The following GNB2 variants were observed in gnomAD, a reference collection of about 807,000 sequenced individuals.
GNB2 encodes guanine nucleotide-binding protein G(I)/G(S)/G(T) subunit beta-2.
GNB2 carries 7 observed loss-of-function variants against 40.7 expected under a neutral mutation model. That is an observed-to-expected ratio of 0.17 (90% CI 0.10 to 0.32). The LOEUF is 0.32. Ranked by LOEUF, GNB2 falls within the 10% of genes least tolerant of loss-of-function variation. The probability of loss-of-function intolerance (pLI) is 1.00; values close to 1 mark genes in which losing one functional copy is unlikely to be tolerated. For synonymous variants in GNB2, 254 were observed against 191.2 expected, an observed-to-expected ratio of 1.33 and a Z score of -2.71; for missense variants, 286 against 473.0, an observed-to-expected ratio of 0.60 and a Z score of 3.67.
At chr7:100,674,001 C>G (rs1804298264) in intron 1 of GNB2, 78 bp downstream of exon 1, 1 of 155,132 alleles carries the variant, frequency 6.4e-6, no homozygotes, top group Non-Finnish European at 1.4e-5. Flanking sequence ...CCTTCGGTCT[C>G]CCGGGGCTGG....
intron 1 of GNB2, chr7:100,675,255 G>A (rs1395933846): frequency 6.6e-6 from 1 of 151,852 alleles, no homozygotes. Context: ...CGCGCCTCGG[G>A]GCCGGGGACC....
rs376361254 is a variant in GNB2, at chr7:100,678,605, G to C, written c.907G>C (p.Asp303His). ...CAACATCTGGGATGCCATGAAGGGC[G>C]ACCGTGCAGGTGACAGCTGGGGCCC... ...NCNIWDAMKG[D>H]RAGVLAGHDN... Residue 303 changes from aspartate to histidine, a missense_variant, in exon 9 of 10, where the codon GAC (aspartate) becomes CAC (histidine). Coordinates refer to ENST00000303210, the MANE Select transcript of GNB2 (RefSeq NM_005273.4). 1 of 1,613,374 alleles carries C rather than the reference G, an allele frequency of 6.2e-7. No individual in the cohort carries two copies. Among genetic ancestry groups the C allele is most frequent in the South Asian group, 1.1e-5 (1 of 91,058 alleles).
At chr7:100,675,941 C>T (rs1804337383) in intron 1 of GNB2, 1 of 352,226 alleles carries the variant, frequency 2.8e-6, no homozygotes, top group African/African-American at 2.2e-5. Flanking sequence ...GGGGTTTCCC[C>T]TGCGCTTCCT....
chr7:100,674,498 T>TC (rs1182914133), intron 1 of GNB2, among the ~76,000 whole-genome samples: 1 of 151,118 alleles, frequency 6.6e-6, no homozygotes, highest in Non-Finnish European at 1.5e-5. Context: ...CAAGCCCAGC[T>TC]CCCAGGCGCC....
At position 100,677,495 on chromosome 7, in the gene GNB2, C is replaced by T. The variant is rs1186125451; in HGVS notation, c.268-3C>T. ...TGACCCCGGCGCTTCCCCTGCTCCG[C>T]AGGTCCACGCCATCCCGCTGCGCTC... is the stretch of plus-strand genomic sequence containing the variant. On this transcript the variant is annotated splice_polypyrimidine_tract_variant and splice_region_variant and intron_variant, in intron 5 of 9. Transcript: ENST00000303210. 6.2e-7 allele frequency: 1 copy of T among 1,613,318 alleles called. No homozygotes were observed. The highest frequency in any genetic ancestry group is 1.7e-5 in the Admixed American group (1 of 60,022).
In GNB2 at chr7:100,678,809, A is replaced by AC; in HGVS notation, c.*13dup. ...CTCAAGATCTGGAACTAATGGCCCC[A>AC]CCCCCACTGGGCCCAGGCCAGGAGG... On this transcript the variant is annotated 3_prime_UTR_variant, in exon 10 of 10. Transcript: ENST00000303210. The AC allele has an allele frequency of 6.3e-7, 1 of 1,591,584 alleles. No individual in the cohort carries two copies.
chr7:100,677,976 CTCTGA>C lies in GNB2; in HGVS notation c.498-121_498-117del, dbSNP rs1441605133. 1.2e-5 allele frequency: 12 copies of C among 1,033,460 alleles called. No individual in the cohort carries two copies. In the Admixed American group the frequency reaches 2.2e-4, roughly 19 times the overall value. The allele number at this position is 1,033,460 out of a possible 1,614,324, so 64.0% of individuals were successfully genotyped here. On this transcript the variant is annotated intron_variant, in intron 7 of 9. Coordinates refer to ENST00000303210, the MANE Select transcript of GNB2 (RefSeq NM_005273.4). ...GGATGCGTCCCCTCCCCACCTAAGGCTCTGAGAAGAGCCTCCCTGGACCCTTCCAC... is the reference window on the plus strand; with the variant it reads ...GGATGCGTCCCCTCCCCACCTAAGGCGAAGAGCCTCCCTGGACCCTTCCAC...
At chr7:100,677,040 G>C (rs533740986) in intron 4 of GNB2, 1 of 593,478 alleles carries the variant, frequency 1.7e-6, no homozygotes, top group African/African-American at 1.9e-5. Context: ...ACGTGGGGAG[G>C]CCAGGGCAGG....
At position 100,677,386 on chromosome 7, in the gene GNB2, A is replaced by C; in HGVS notation, c.238A>C (p.Ile80Leu). 1 of 1,613,902 alleles carries C rather than the reference A, an allele frequency of 6.2e-7. No homozygotes were observed. The highest frequency in any genetic ancestry group is 2.2e-5 in the East Asian group (1 of 44,874). Residue 80 changes from isoleucine to leucine, a missense_variant, in exon 5 of 10, where the codon ATC (isoleucine) becomes CTC (leucine). Coordinates refer to ENST00000303210, the MANE Select transcript of GNB2 (RefSeq NM_005273.4). ...LVSASQDGKLIIWDSYTTNKV... is the reference protein window; with the variant it reads ...LVSASQDGKLLIWDSYTTNKV... ...CAGCGCCTCCCAGGATGGGAAGCTC[A>C]TCATCTGGGACAGCTACACCACCAA...
chr7:100,678,691 A>G lies in GNB2; in HGVS notation c.917-4A>G. The G allele has an allele frequency of 6.2e-7, 1 of 1,612,720 alleles. No homozygotes were observed. Among genetic ancestry groups the G allele is most frequent in the Non-Finnish European group, 8.5e-7 (1 of 1,179,240 alleles). On this transcript the variant is annotated splice_polypyrimidine_tract_variant and splice_region_variant and intron_variant, in intron 9 of 9. Transcript: ENST00000303210. ...ATGGGTTCTGACTTCTCTCTTCTTC[A>G]CAGGAGTCCTCGCTGGCCACGACAA...
chr7:100,677,264 G>C (rs1196065885), intron 4 of GNB2, 88 bp from the exon 5 acceptor site: 7 of 1,022,840 alleles, frequency 6.8e-6, no homozygotes, highest in South Asian at 1.3e-5. Flanking sequence ...ACAACAGAGA[G>C]AGACCCTACC....
rs1311173237 is a variant in GNB2 at position 100,676,840 on chromosome 7, C to T, written c.203+41C>T. On this transcript the variant is annotated intron_variant, in intron 4 of 9. Transcript: ENST00000303210. ...CGGGCTGGCGCTGTGGGCCGACTTT[C>T]TAGCAGGCCGTGGGAGCAGCCTCAG... 3 of 1,197,422 alleles carry T rather than the reference C, an allele frequency of 2.5e-6. No homozygotes were observed. The African/African-American group carries it at 4.6e-5, about 18-fold the overall frequency. 74.2% of individuals were successfully genotyped at this position (1,197,422 alleles called of 1,614,324 possible). A position where few individuals can be genotyped will look rare whatever the true frequency, so the allele number is the denominator to read the frequency against.
rs1584478521 is a variant in GNB2, at chr7:100,676,074, T to TTCCCCC, written c.-89-97_-89-92dup. 1.2e-5 allele frequency: 6 copies of TTCCCCC among 501,996 alleles called. No homozygotes were observed. The East Asian group carries it at 2.0e-4, about 17-fold the overall frequency. The allele number at this position is 501,996 out of a possible 1,614,324, so 31.1% of individuals were successfully genotyped here. ...CCGGGGACGGCGGCCGCGCCGCCCC[T>TTCCCCC]TCCCCCTCCCCTTGCTTACCCCTTC... On this transcript the variant is annotated intron_variant, in intron 1 of 9. Transcript: ENST00000303210.
At chr7:100,674,494 C>T (rs1414302262) in intron 1 of GNB2, among the ~76,000 whole-genome samples, 3 of 151,944 alleles carry the variant, frequency 2.0e-5, no homozygotes, top group Non-Finnish European at 4.4e-5. Context: ...ACCCCAAGCC[C>T]AGCTCCCAGG....
In GNB2 at chr7:100,676,229, C is replaced by G; in HGVS notation, c.-37C>G. ...TCCCCCAGCCCCCGTCCCGCGGCCC[C>G]CAGCCGCCCCCAACCCTGCCCCACG... is the stretch of plus-strand genomic sequence containing the variant. On this transcript the variant is annotated 5_prime_UTR_variant, in exon 2 of 10. Coordinates refer to ENST00000303210, the MANE Select transcript of GNB2 (RefSeq NM_005273.4). 1 of 1,458,032 alleles carries G rather than the reference C, an allele frequency of 6.9e-7. No individual in the cohort carries two copies. Among genetic ancestry groups the G allele is most frequent in the Non-Finnish European group, 9.4e-7 (1 of 1,063,010 alleles). 90.3% of individuals were successfully genotyped at this position (1,458,032 alleles called of 1,614,324 possible).
Position 100,676,849 on chromosome 7 carries a change from C to T in GNB2, c.203+50C>T, listed in dbSNP as rs558986512. The T allele has an allele frequency of 5.7e-4, 619 of 1,084,216 alleles. 10 individuals carry two copies. The South Asian group carries it at 8.4e-3, about 15-fold the overall frequency. The allele number at this position is 1,084,216 out of a possible 1,614,324, so 67.2% of individuals were successfully genotyped here. The stretch of plus-strand genomic sequence containing the variant: ...GCTGTGGGCCGACTTTCTAGCAGGC[C>T]GTGGGAGCAGCCTCAGATCTGGCGG... On this transcript the variant is annotated intron_variant, in intron 4 of 9. Coordinates refer to ENST00000303210, the MANE Select transcript of GNB2 (RefSeq NM_005273.4).
Position 100,678,312 on chromosome 7 carries a change from G to T in GNB2, c.699+13G>T. 1 of 1,611,478 alleles carries T rather than the reference G, an allele frequency of 6.2e-7. No homozygotes were observed. The highest frequency in any genetic ancestry group is 8.5e-7 in the Non-Finnish European group (1 of 1,178,472). ...CAATGCAGTGGCTGTGAGTTTTGGG[G>T]CGAGCTAGGCCAGGCCCTCCCCACC... On this transcript the variant is annotated intron_variant, in intron 8 of 9. Coordinates refer to ENST00000303210, the MANE Select transcript of GNB2 (RefSeq NM_005273.4).
rs550232688 is a variant in GNB2 at position 100,676,435 on chromosome 7, A to G, written c.58-100A>G. 1.8e-4 allele frequency: 237 copies of G among 1,321,316 alleles called. 2 individuals carry two copies. In the East Asian group the frequency reaches 4.9e-3, roughly 27 times the overall value. 81.8% of individuals were successfully genotyped at this position (1,321,316 alleles called of 1,614,324 possible). On this transcript the variant is annotated intron_variant, in intron 2 of 9. Transcript: ENST00000303210. ...GGGAGGGAGGGCCCCTTAATGGCTCAGAATCTGACCCTGTCCACTCCTGTC... is the reference window on the plus strand; with the variant it reads ...GGGAGGGAGGGCCCCTTAATGGCTCGGAATCTGACCCTGTCCACTCCTGTC...
intron 7 of GNB2, 72 bp from the exon 8 acceptor site, chr7:100,678,026 G>C: frequency 1.5e-6 from 2 of 1,318,194 alleles, no homozygotes; most frequent in Non-Finnish European, 2.2e-6. Flanking sequence ...CTCACGTGGT[G>C]GGGCGGGGAG....
Sources: allele counts gnomAD v4.1 joint callset (sites outside exome capture counted in the v4.1 genomes callset), GRCh38; gene constraint gnomAD v4.1.1; transcripts MANE v1.5; gene names NCBI Gene and HGNC (gene_info 2026-07-23, HGNC 2026-07-21).